The following PLXDC2 variants were observed in gnomAD, a reference collection of about 807,000 sequenced individuals.
The protein encoded by PLXDC2 is plexin domain containing 2.
PLXDC2 carries 40 observed loss-of-function variants against 68.9 expected under a neutral mutation model. The observed-to-expected ratio is 0.58, with a 90% confidence interval of 0.45 to 0.76. The LOEUF (loss-of-function observed/expected upper bound fraction) is 0.76. Among genes scored for constraint, PLXDC2 ranks in the 30% least tolerant of loss-of-function variants. The pLI, the probability that PLXDC2 is intolerant of heterozygous loss-of-function variation, is 0.00. For missense variants in PLXDC2, 644 were observed against 661.9 expected, an observed-to-expected ratio of 0.97 and a Z score of 0.30; for synonymous variants, 243 against 234.2, an observed-to-expected ratio of 1.04 and a Z score of -0.34.
At chr10:20,074,767 C>T (rs1300840836) in intron 4 of PLXDC2, among the ~76,000 whole-genome samples, 1 of 151,960 alleles carries the variant, frequency 6.6e-6, no homozygotes, top group Non-Finnish European at 1.5e-5. Context: ...TTGTAAATAC[C>T]AACAACATCT....
chr10:19,884,166 G>T (rs972642157), intron 1 of PLXDC2, among the ~76,000 whole-genome samples: 4 of 151,532 alleles, frequency 2.6e-5, no homozygotes, highest in Non-Finnish European at 5.9e-5. Context: ...CAAAGTGCTG[G>T]AATTACAGGT....
Position 20,120,581 on chromosome 10 carries a change from G to C in PLXDC2, c.542-22714G>C, listed in dbSNP as rs189559815. Reference sequence around the variant, plus strand: ...AGAAATGACTGCGGTGGCCTTCTCAGACCCTGTAGGAAAGGCCTCTACCTA... The same window carrying C: ...AGAAATGACTGCGGTGGCCTTCTCACACCCTGTAGGAAAGGCCTCTACCTA... On this transcript the variant is annotated intron_variant, in intron 4 of 13. Transcript: ENST00000377252. Among the ~76,000 whole-genome samples, 1,281 of 152,248 alleles carry C rather than the reference G, an allele frequency of 8.4e-3. 19 individuals are homozygous for C. Among genetic ancestry groups the C allele is most frequent in the African/African-American group, 0.03 (1,226 of 41,538 alleles).
intron 4 of PLXDC2, among the ~76,000 whole-genome samples, chr10:20,143,012 C>T (rs1224881255): frequency 6.6e-6 from 1 of 151,878 alleles, no homozygotes; most frequent in Non-Finnish European, 1.5e-5. Context: ...GCATTTTTAG[C>T]CTAATAATCT....
chr10:20,261,529 G>C (rs2119366249), intron 13 of PLXDC2, among the ~76,000 whole-genome samples: 1 of 152,234 alleles, frequency 6.6e-6, no homozygotes, highest in East Asian at 1.9e-4. Flanking sequence ...GAAAATTTTG[G>C]ACATGGAATC....
intron 1 of PLXDC2, among the ~76,000 whole-genome samples, chr10:19,976,199 G>A (rs968010896): frequency 6.6e-6 from 1 of 151,714 alleles, no homozygotes; most frequent in Non-Finnish European, 1.5e-5. Flanking sequence ...TAATTTTTTT[G>A]TTGTTTGTTT....
At chr10:20,147,403 C>G (rs1269891856) in intron 5 of PLXDC2, among the ~76,000 whole-genome samples, 1 of 152,168 alleles carries the variant, frequency 6.6e-6, no homozygotes, top group Non-Finnish European at 1.5e-5. Context: ...ATGTGTTTCT[C>G]TCTCAGCATT....
At chr10:20,116,938 T>C (rs926181927) in intron 4 of PLXDC2, among the ~76,000 whole-genome samples, 7 of 151,370 alleles carry the variant, frequency 4.6e-5, no homozygotes, top group Admixed American at 3.9e-4. Flanking sequence ...TGTGTTAAAA[T>C]AATGCACAAT....
At chr10:20,151,665 C>T (rs191647357) in intron 6 of PLXDC2, among the ~76,000 whole-genome samples, 134 of 152,172 alleles carry the variant, frequency 8.8e-4, no homozygotes, top group African/African-American at 3.2e-3. Context: ...AACAATCTTG[C>T]TTATTAGACT....
At chr10:19,849,288 A>G (rs919918578) in intron 1 of PLXDC2, among the ~76,000 whole-genome samples, 4 of 150,002 alleles carry the variant, frequency 2.7e-5, no homozygotes, top group Non-Finnish European at 5.9e-5. Flanking sequence ...CGATCTGTAT[A>G]TGTAGACAAG....
intron 9 of PLXDC2, among the ~76,000 whole-genome samples, chr10:20,199,598 T>C (rs1244514796): frequency 6.6e-6 from 1 of 152,034 alleles, no homozygotes; most frequent in Admixed American, 6.6e-5. Flanking sequence ...TAGTAACTTA[T>C]GGAAATTATA....
At chr10:20,246,652 A>T (rs1835600023) in intron 13 of PLXDC2, among the ~76,000 whole-genome samples, 1 of 152,112 alleles carries the variant, frequency 6.6e-6, no homozygotes, top group Non-Finnish European at 1.5e-5. Context: ...GCCTGGCCAC[A>T]TGTGCACCTT....
intron 1 of PLXDC2, among the ~76,000 whole-genome samples, chr10:19,955,154 T>C (rs975293383): frequency 6.8e-6 from 1 of 147,974 alleles, no homozygotes; most frequent in African/African-American, 2.5e-5. Flanking sequence ...GTCTTCTGAG[T>C]AGCTGGGACT....
At chr10:19,891,117 G>T (rs1356220411) in intron 1 of PLXDC2, among the ~76,000 whole-genome samples, 1 of 152,064 alleles carries the variant, frequency 6.6e-6, no homozygotes, top group Admixed American at 6.6e-5. Context: ...TCTCTGTCCA[G>T]CGCTCCCACC....
At chr10:19,834,442 C>T (rs879621293) in intron 1 of PLXDC2, among the ~76,000 whole-genome samples, 23 of 152,012 alleles carry the variant, frequency 1.5e-4, no homozygotes, top group Middle Eastern at 3.2e-3. Context: ...TGAGAGAAAA[C>T]TGCTCAAGAA....
At chr10:19,938,014 G>T (rs1833757907) in intron 1 of PLXDC2, among the ~76,000 whole-genome samples, 2 of 152,234 alleles carry the variant, frequency 1.3e-5, no homozygotes, top group South Asian at 4.2e-4. Context: ...TTCTGCATTT[G>T]ACTTCTCAGT....
chr10:20,034,599 G>A (rs538662693), intron 2 of PLXDC2, among the ~76,000 whole-genome samples: 151 of 152,274 alleles, frequency 9.9e-4, no homozygotes, highest in African/African-American at 3.4e-3. Flanking sequence ...TCTGGTTTGA[G>A]ATCTCTAATG....
chr10:20,034,530 T>G (rs1184043945), intron 2 of PLXDC2, among the ~76,000 whole-genome samples: 1 of 152,214 alleles, frequency 6.6e-6, no homozygotes. Flanking sequence ...AGAATATCAT[T>G]TATTTGTAAA....
intron 5 of PLXDC2, 106 bp from the exon 6 acceptor site, chr10:20,147,678 A>G (rs1049974739): frequency 1.5e-6 from 1 of 656,022 alleles, no homozygotes; most frequent in Non-Finnish European, 2.7e-6. Context: ...TAGTACAACT[A>G]CCAGATTTGA....
At chr10:20,241,546 G>C (rs959396266) in intron 12 of PLXDC2, among the ~76,000 whole-genome samples, 7 of 152,192 alleles carry the variant, frequency 4.6e-5, no homozygotes, top group African/African-American at 9.7e-5. Flanking sequence ...AGCACTTTGG[G>C]AGGCTGAGGC....
Sources: allele counts gnomAD v4.1 joint callset (sites outside exome capture counted in the v4.1 genomes callset), GRCh38; gene constraint gnomAD v4.1.1; transcripts MANE v1.5; gene names NCBI Gene and HGNC (gene_info 2026-07-23, HGNC 2026-07-21).